Variants in PER3 observed in about 807,000 individuals in gnomAD.
PER3 encodes the protein period circadian regulator 3.
In PER3, 107 loss-of-function variants were observed where a neutral mutation model predicts 127.2. The ratio of observed to expected loss-of-function variants is 0.84; its 90% CI spans 0.72 to 0.99. PER3 has a LOEUF of 0.99. PER3 is among the 50% of genes least tolerant of loss of function. PER3 has a pLI of 0.00. For missense variants in PER3, 1,560 were observed against 1,525.8 expected (o/e 1.02, Z -0.37); for synonymous variants, 618 against 585.8 (o/e 1.05, Z -0.79).
At chr1:7,829,802 A>C in intron 18 of PER3, 32 bp from the exon 19 acceptor site, 1 of 1,541,092 alleles carries the variant, frequency 6.5e-7, no homozygotes, top group Non-Finnish European at 9.0e-7. Context: ...TAAGAAGATT[A>C]AAGTGTCTTT....
intron 16 of PER3, among the ~76,000 whole-genome samples, chr1:7,823,885 C>G (rs563904275): frequency 5.9e-5 from 9 of 152,082 alleles, no homozygotes; most frequent in Admixed American, 3.9e-4. Context: ...CTGAGAAATA[C>G]GACATGTTGG....
chr1:7,821,301 G>A (rs960802058), intron 16 of PER3, among the ~76,000 whole-genome samples: 2 of 152,158 alleles, frequency 1.3e-5, no homozygotes, highest in African/African-American at 4.8e-5. Context: ...CAGCTAATAC[G>A]TGTTAAGCCA....
chr1:7,835,023 G>A (rs1158708403), intron 19 of PER3, among the ~76,000 whole-genome samples: 1 of 152,140 alleles, frequency 6.6e-6, no homozygotes, highest in Non-Finnish European at 1.5e-5. Context: ...ATCATTAATT[G>A]TGTATGTTTG....
rs1577590991 is a variant in PER3 at position 7,785,484 on chromosome 1, G to C, written c.172G>C (p.Val58Leu). Residue 58 changes from valine to leucine, a missense_variant, in exon 3 of 22, where the codon GTT becomes CTT. Around this residue, in one of 3 missense-constraint regions of PER3, gnomAD observed 1,332 missense variants for 1,223.6 expected, o/e 1.09. Coordinates refer to ENST00000377532, the MANE Select transcript of PER3 (RefSeq NM_001377275.1). ...CAGAGTTTCTGAAGAACTTATCATGGTTGTCCAAGAAATGAAAAAATACTT... is the reference window on the plus strand; with the variant it reads ...CAGAGTTTCTGAAGAACTTATCATGCTTGTCCAAGAAATGAAAAAATACTT... ...RNRVSEELIM[V>L]VQEMKKYFPS... 3 of 1,612,592 alleles carry C rather than the reference G, an allele frequency of 1.9e-6. No homozygotes were observed. Among genetic ancestry groups the C allele is most frequent in the Non-Finnish European group, 8.5e-7 (1 of 1,178,602 alleles).
At chr1:7,840,953 A>G (rs1376008639) in intron 21 of PER3, among the ~76,000 whole-genome samples, 1 of 152,136 alleles carries the variant, frequency 6.6e-6, no homozygotes, top group East Asian at 1.9e-4. Flanking sequence ...TTGTCTCGCA[A>G]TTCTTTCATC....
chr1:7,820,786 C>A, intron 16 of PER3, 146 bp downstream of exon 16: 1 of 640,814 alleles, frequency 1.6e-6, no homozygotes, highest in Non-Finnish European at 2.7e-6. Context: ...TAAAGTATTT[C>A]TGGAAACATT....
chr1:7,789,141 AT>A (rs1040515714), intron 5 of PER3, among the ~76,000 whole-genome samples: 1 of 39,226 alleles, frequency 2.5e-5, no homozygotes, highest in Admixed American at 1.5e-4. Flanking sequence ...GAGCTTTAAA[AT>A]ATATATATAT....
At chr1:7,799,610 CAAAAA>C (rs759699006) in intron 7 of PER3, among the ~76,000 whole-genome samples, 1 of 93,252 alleles carries the variant, frequency 1.1e-5, no homozygotes. Flanking sequence ...AACTCTGTCT[CAAAAA>C]AAAAAAAAAA....
chr1:7,789,954 C>T (rs1339542844), intron 5 of PER3, among the ~76,000 whole-genome samples: 2 of 152,086 alleles, frequency 1.3e-5, no homozygotes, highest in South Asian at 2.1e-4. Flanking sequence ...GTATTTGTTT[C>T]TCTGCTTTTG....
At position 7,820,779 on chromosome 1, in the gene PER3, A is replaced by G. The variant is rs1284007593; in HGVS notation, c.1957+139A>G. On this transcript the variant is annotated intron_variant, in intron 16 of 21. Transcript: ENST00000377532. ...TTTTTCCTTTCTTTAGTTCAGTTAA[A>G]GTATTTCTGGAAACATTATCATGTT... is the stretch of plus-strand genomic sequence containing the variant. 1.8e-5 allele frequency: 12 copies of G among 660,102 alleles called. No individual in the cohort carries two copies. The Admixed American group carries it at 4.1e-4, about 23-fold the overall frequency. The allele number at this position is 660,102 out of a possible 1,614,324, so 40.9% of individuals were successfully genotyped here. A position where few individuals can be genotyped will look rare whatever the true frequency, so the allele number is the denominator to read the frequency against.
intron 16 of PER3, among the ~76,000 whole-genome samples, chr1:7,825,417 A>G (rs2097296927): frequency 6.6e-6 from 1 of 152,246 alleles, no homozygotes; most frequent in Admixed American, 6.5e-5. Context: ...TGTGCTATGC[A>G]TATAAAATGG....
chr1:7,793,933 C>A, intron 5 of PER3, 24 bp from the exon 6 acceptor site: 1 of 1,605,554 alleles, frequency 6.2e-7, no homozygotes, highest in Non-Finnish European at 8.5e-7. Flanking sequence ...GAGGGAGTGA[C>A]TGACCAGGCA....
chr1:7,836,431 G>A (rs1262391908), intron 20 of PER3, among the ~76,000 whole-genome samples: 3 of 152,188 alleles, frequency 2.0e-5, no homozygotes, highest in South Asian at 2.1e-4. Context: ...TGCCCACCTC[G>A]GCCTCCCAAA....
rs562185845 is a variant in PER3 at position 7,839,045 on chromosome 1, T to A, written c.3549+1896T>A. ...TCATTTGCTGCATTACTGTCATCTT[T>A]TGTGTTTAGTTGGTTTTTTGAAGTG... is the stretch of plus-strand genomic sequence containing the variant. On this transcript the variant is annotated intron_variant, in intron 21 of 21. Transcript: ENST00000377532. Among the ~76,000 whole-genome samples the A allele has an allele frequency of 2.0e-5, 3 of 152,334 alleles. No individual in the cohort carries two copies. In the East Asian group the frequency reaches 5.8e-4, roughly 29 times the overall value.
At chr1:7,796,567 G>T (rs575240805) in intron 6 of PER3, among the ~76,000 whole-genome samples, 1 of 152,038 alleles carries the variant, frequency 6.6e-6, no homozygotes, top group Non-Finnish European at 1.5e-5. Context: ...CAACCTCCTC[G>T]GCCTCCCAAA....
intron 20 of PER3, chr1:7,836,784 C>G (rs1242299457): frequency 2.4e-6 from 1 of 415,254 alleles, no homozygotes; most frequent in African/African-American, 2.0e-5. Flanking sequence ...TTCTTCCATA[C>G]ACCTCATTAA....
chr1:7,821,462 A>G (rs941021666), intron 16 of PER3, among the ~76,000 whole-genome samples: 1 of 152,196 alleles, frequency 6.6e-6, no homozygotes, highest in Admixed American at 6.5e-5. Context: ...TAATTAGTCA[A>G]AAGTAGAGTT....
chr1:7,827,786 A>G lies in PER3; in HGVS notation c.2857A>G (p.Arg953Gly). The G allele has an allele frequency of 3.7e-6, 6 of 1,613,458 alleles. No homozygotes were observed. Among genetic ancestry groups the G allele is most frequent in the Non-Finnish European group, 5.1e-6 (6 of 1,179,606 alleles). Residue 953 changes from arginine to glycine, a missense_variant, in exon 18 of 22, where the codon AGA (arginine) becomes GGA (glycine). This residue lies in a region of PER3 where 1,332 missense variants were observed against 1,223.6 expected (regional missense o/e 1.09). Transcript: ENST00000377532. ...ACCCTCTGAATCTCCAGATCAGATG[A>G]GAAGGAACACGTGCCCACAAACTGA... ...PRPSESPDQM[R>G]RNTCPQTEYQ...
chr1:7,791,239 ATCC>A (rs1328408026), intron 5 of PER3, among the ~76,000 whole-genome samples: 1 of 152,260 alleles, frequency 6.6e-6, no homozygotes, highest in Non-Finnish European at 1.5e-5. Flanking sequence ...ATTTCCGTAC[ATCC>A]TCTGAAATCT....
Sources: gnomAD v4.1 joint callset for allele counts (sites outside exome capture counted in the v4.1 genomes callset) on GRCh38, gnomAD v4.1.1 for gene constraint, gnomAD v4.1.1 regional missense constraint, MANE v1.5 for transcripts, NCBI Gene and HGNC (gene_info 2026-07-23, HGNC 2026-07-21) for gene names.